LRRC7: variants seen among roughly 807,000 people sequenced by gnomAD.
LRRC7 encodes leucine rich repeat containing 7, also known as leucine-rich repeat-containing protein 7.
In LRRC7, 23 loss-of-function variants were observed where a neutral mutation model predicts 175.7. That is an observed-to-expected ratio of 0.13 (90% CI 0.09 to 0.19). LRRC7 has a LOEUF of 0.19. Among genes scored for constraint, LRRC7 ranks in the 10% least tolerant of loss-of-function variants. The probability of loss-of-function intolerance (pLI) is 1.00; values close to 1 mark genes in which losing one functional copy is unlikely to be tolerated. For synonymous variants in LRRC7, 685 were observed against 680.9 expected, an observed-to-expected ratio of 1.01 and a Z score of -0.09; for missense variants, 1,354 against 1,904.7, an observed-to-expected ratio of 0.71 and a Z score of 5.38.
intron 2 of LRRC7, among the ~76,000 whole-genome samples, chr1:69,746,649 T>C (rs1669288221): frequency 6.6e-6 from 1 of 152,054 alleles, no homozygotes; most frequent in South Asian, 2.1e-4. Context: ...ATGTCTGCCA[T>C]CTATTAGGAG....
intron 1 of LRRC7, among the ~76,000 whole-genome samples, chr1:69,588,057 T>C (rs1244200275): frequency 1.3e-5 from 2 of 152,182 alleles, no homozygotes; most frequent in Non-Finnish European, 2.9e-5. Context: ...TACTGAAAAA[T>C]TCCTTCTATT....
At chr1:69,888,197 G>A (rs1645710995) in intron 7 of LRRC7, among the ~76,000 whole-genome samples, 1 of 151,938 alleles carries the variant, frequency 6.6e-6, no homozygotes, top group African/African-American at 2.4e-5. Context: ...CTGGGCAATG[G>A]CGGTCGCCCC....
chr1:69,708,819 T>C (rs1205757948), intron 2 of LRRC7, among the ~76,000 whole-genome samples: 6 of 152,154 alleles, frequency 3.9e-5, no homozygotes, highest in Admixed American at 3.9e-4. Flanking sequence ...CCTTTATGTG[T>C]GGCAGAAATG....
Position 70,140,706 on chromosome 1 carries a change from T to C in LRRC7, c.*18819T>C, listed in dbSNP as rs1443796971. The C allele has an allele frequency of 6.6e-6, 1 of 152,162 alleles. No homozygotes were observed. Among genetic ancestry groups the C allele is most frequent in the African/African-American group, 2.4e-5 (1 of 41,454 alleles). 9.4% of individuals were successfully genotyped at this position (152,162 alleles called of 1,614,324 possible). ...TCTCTTGCATGCATTTTCCACCTTA[T>C]TCCCAAACCAGGCTTGAGAAAAAAA... On this transcript the variant is annotated 3_prime_UTR_variant, in exon 27 of 27. Coordinates refer to ENST00000651989, the MANE Select transcript of LRRC7 (RefSeq NM_001370785.2).
intron 7 of LRRC7, among the ~76,000 whole-genome samples, chr1:69,889,886 A>C (rs1645781010): frequency 6.6e-6 from 1 of 152,198 alleles, no homozygotes; most frequent in Non-Finnish European, 1.5e-5. Context: ...TTCTTAGATC[A>C]TCCATAAGAA....
chr1:69,779,031 T>TAC (rs535028708), intron 3 of LRRC7, among the ~76,000 whole-genome samples: 236 of 143,534 alleles, frequency 1.6e-3, no homozygotes, highest in Non-Finnish European at 2.4e-3. Flanking sequence ...TATATATATA[T>TAC]ACACACACAC....
chr1:69,925,116 A>G (rs1389989020), intron 7 of LRRC7, among the ~76,000 whole-genome samples: 3 of 152,160 alleles, frequency 2.0e-5, no homozygotes, highest in Admixed American at 6.5e-5. Flanking sequence ...TGATTTGCAT[A>G]TATTGAACTA....
chr1:70,087,486 T>C (rs1469196416), intron 24 of LRRC7, among the ~76,000 whole-genome samples: 1 of 152,176 alleles, frequency 6.6e-6, no homozygotes, highest in Non-Finnish European at 1.5e-5. Flanking sequence ...TTTCTTCTCA[T>C]TTTCTAATTA....
intron 1 of LRRC7, among the ~76,000 whole-genome samples, chr1:69,596,529 C>A (rs774365101): frequency 7.2e-5 from 11 of 152,136 alleles, no homozygotes. Context: ...ATAGTATCCA[C>A]GGAAGTGTCG....
chr1:69,691,580 T>C (rs1200459883), intron 2 of LRRC7, among the ~76,000 whole-genome samples: 1 of 152,100 alleles, frequency 6.6e-6, no homozygotes, highest in East Asian at 1.9e-4. Context: ...GGTGGATCGC[T>C]TAAGCTCAGG....
chr1:69,574,010 T>C (rs1645843366), intron 1 of LRRC7, among the ~76,000 whole-genome samples: 1 of 152,126 alleles, frequency 6.6e-6, no homozygotes, highest in Non-Finnish European at 1.5e-5. Flanking sequence ...TCAGTAAGGT[T>C]GAAAGCATAC....
intron 4 of LRRC7, among the ~76,000 whole-genome samples, chr1:69,822,798 T>G (rs1427140285): frequency 6.6e-6 from 1 of 152,206 alleles, no homozygotes; most frequent in East Asian, 1.9e-4. Context: ...TTTGCTCCAA[T>G]GATATGCTGG....
rs1400506985 is a variant in LRRC7 at position 70,140,560 on chromosome 1, T to A, written c.*18673T>A. On this transcript the variant is annotated 3_prime_UTR_variant, in exon 27 of 27. Coordinates refer to ENST00000651989, the MANE Select transcript of LRRC7 (RefSeq NM_001370785.2). Reference sequence around the variant, plus strand: ...GCAACAAGTCTGTTGGCAGAGAAAGTATGACTCTGCTTTTAGCCTTCTGCA... The same window carrying A: ...GCAACAAGTCTGTTGGCAGAGAAAGAATGACTCTGCTTTTAGCCTTCTGCA... 1 of 152,192 alleles carries A rather than the reference T, an allele frequency of 6.6e-6. No individual in the cohort carries two copies. The highest frequency in any genetic ancestry group is 1.9e-4 in the East Asian group (1 of 5,198). The allele number at this position is 152,192 out of a possible 1,614,324, so 9.4% of individuals were successfully genotyped here. A position where few individuals can be genotyped will look rare whatever the true frequency, so the allele number is the denominator to read the frequency against.
intron 1 of LRRC7, among the ~76,000 whole-genome samples, chr1:69,672,697 T>C (rs1046576729): frequency 6.6e-6 from 1 of 152,348 alleles, no homozygotes; most frequent in African/African-American, 2.4e-5. Context: ...AGTGTAAATC[T>C]ATTTCAACTA....
chr1:70,136,794 A>G lies in LRRC7; in HGVS notation c.*14907A>G, dbSNP rs1666894271. ...ACCCAGGTTGGAGTGCAGTGGCATG[A>G]TCATGGCCCACTGCAGCCTTGACCA... is the stretch of plus-strand genomic sequence containing the variant. On this transcript the variant is annotated 3_prime_UTR_variant, in exon 27 of 27. Transcript: ENST00000651989. Among the ~76,000 whole-genome samples, 1 of 131,800 alleles carries G rather than the reference A, an allele frequency of 7.6e-6. No homozygotes were observed. Among genetic ancestry groups the G allele is most frequent in the Admixed American group, 9.1e-5 (1 of 10,952 alleles). 86.5% of individuals were successfully genotyped at this position (131,800 alleles called of 152,430 possible).
intron 2 of LRRC7, among the ~76,000 whole-genome samples, chr1:69,725,785 C>G (rs1405935717): frequency 6.6e-6 from 1 of 152,198 alleles, no homozygotes; most frequent in Non-Finnish European, 1.5e-5. Flanking sequence ...CTTCACACTC[C>G]AGGCTCCTGT....
At chr1:69,978,844 T>C (rs1653103035) in intron 8 of LRRC7, among the ~76,000 whole-genome samples, 1 of 152,092 alleles carries the variant, frequency 6.6e-6, no homozygotes, top group Non-Finnish European at 1.5e-5. Flanking sequence ...AGTGCACTGC[T>C]TTTGTATTTT....
intron 7 of LRRC7, among the ~76,000 whole-genome samples, chr1:69,928,724 A>G (rs1030919043): frequency 6.6e-6 from 1 of 152,090 alleles, no homozygotes; most frequent in Non-Finnish European, 1.5e-5. Flanking sequence ...CCTTTCTTTG[A>G]CTAGGAAAGG....
chr1:69,843,764 A>C (rs1384194044), intron 7 of LRRC7, among the ~76,000 whole-genome samples: 1 of 152,150 alleles, frequency 6.6e-6, no homozygotes, highest in African/African-American at 2.4e-5. Flanking sequence ...TTAAAGCCAG[A>C]GCTACACCGA....
Sources: allele counts gnomAD v4.1 joint callset (sites outside exome capture counted in the v4.1 genomes callset), GRCh38; gene constraint gnomAD v4.1.1; transcripts MANE v1.5; gene names NCBI Gene and HGNC (gene_info 2026-07-23, HGNC 2026-07-21).